SETX: variants seen among roughly 807,000 people sequenced by gnomAD.
SETX encodes the protein helicase senataxin.
Under a neutral mutation model 227.2 loss-of-function variants are expected in SETX, and 90 were observed. The ratio of observed to expected loss-of-function variants is 0.40; its 90% confidence interval spans 0.33 to 0.47. The LOEUF is 0.47. Among genes scored for constraint, SETX ranks in the 20% least tolerant of loss-of-function variants. The probability of loss-of-function intolerance (pLI) is 0.91; values close to 1 mark genes in which losing one functional copy is unlikely to be tolerated. For synonymous variants in SETX, 1,210 were observed against 1,113.2 expected (o/e 1.09, Z -1.73); for missense variants, 3,052 against 3,181.5 (o/e 0.96, Z 0.98).
At chr9:132,277,494 CT>C (rs758738558) in intron 21 of SETX, among the ~76,000 whole-genome samples, 13 of 152,066 alleles carry the variant, frequency 8.5e-5, no homozygotes, top group Non-Finnish European at 1.3e-4. Context: ...AGGACTGAAA[CT>C]TGGCCAGGTG....
chr9:132,312,402 A>G (rs931468183), intron 10 of SETX, among the ~76,000 whole-genome samples: 4 of 152,170 alleles, frequency 2.6e-5, no homozygotes, highest in African/African-American at 9.7e-5. Context: ...ACTATTCCCA[A>G]TCCCAAATTT....
intron 20 of SETX, among the ~76,000 whole-genome samples, 182 bp from the exon 21 acceptor site, chr9:132,278,439 T>C (rs980419339): frequency 6.7e-4 from 5 of 7,426 alleles, no homozygotes; most frequent in Admixed American, 6.3e-3. Context: ...CCATGAATCT[T>C]TTTTTTTTTT....
At chr9:132,271,901 G>C in intron 23 of SETX, 93 bp from the exon 24 acceptor site, 1 of 901,700 alleles carries the variant, frequency 1.1e-6, no homozygotes, top group Non-Finnish European at 1.7e-6. Flanking sequence ...TTTTTTTTTT[G>C]AGACGGAGTC....
At chr9:132,316,898 A>C (rs529184030) in intron 10 of SETX, among the ~76,000 whole-genome samples, 15 of 152,342 alleles carry the variant, frequency 9.8e-5, no homozygotes, top group Middle Eastern at 3.4e-3. Context: ...TGTTCTTTTC[A>C]AAGTGACTTT....
Position 132,326,998 on chromosome 9 carries a change from C to G in SETX, c.4600G>C (p.Asp1534His), listed in dbSNP as rs746807833. 3.1e-6 allele frequency: 5 copies of G among 1,614,106 alleles called. No homozygotes were observed. The highest frequency in any genetic ancestry group is 4.2e-6 in the Non-Finnish European group (5 of 1,180,044). The change falls in exon 10 of 26, where the codon GAT (aspartate) becomes CAT (histidine). Residue 1534 changes from aspartate (D) to histidine (H), a missense_variant. Physicochemically the swap from Asp to His is moderately conservative, Grantham distance 81. Coordinates refer to ENST00000224140, the MANE Select transcript of SETX (RefSeq NM_015046.7). ...TCCAACTGAGGCCGACTTACAGAATCTTCTTCAACCTCAACTGTATCTTTT... is the reference window on the plus strand; with the variant it reads ...TCCAACTGAGGCCGACTTACAGAATGTTCTTCAACCTCAACTGTATCTTTT... ...HGKDTVEVEE[D>H]SVSRPQLESL...
At chr9:132,301,554 T>A (rs1343607132) in intron 11 of SETX, among the ~76,000 whole-genome samples, 1 of 152,220 alleles carries the variant, frequency 6.6e-6, no homozygotes, top group African/African-American at 2.4e-5. Flanking sequence ...ATATTTTTAC[T>A]GTATCTTTTC....
At chr9:132,323,168 A>G (rs940596258) in intron 10 of SETX, among the ~76,000 whole-genome samples, 3 of 152,174 alleles carry the variant, frequency 2.0e-5, no homozygotes, top group African/African-American at 7.2e-5. Flanking sequence ...TGGAGGAGAT[A>G]CAGACCCAAC....
At position 132,327,142 on chromosome 9, in the gene SETX, C is replaced by G; in HGVS notation, c.4456G>C (p.Asp1486His). The stretch of plus-strand genomic sequence containing the variant: ...TCTTCCTCTGCATCACTGCTGGAGT[C>G]AGGCTCTCCTTCTTTCAAAGCTGCC... ...EMAALKEGEP[D>H]SSSDAEEDNL... is the part of the protein sequence containing the mutation. The change falls in exon 10 of 26, where the codon GAC becomes CAC. Residue 1486 changes from aspartate to histidine, a missense_variant. Transcript: ENST00000224140. 1 of 1,614,224 alleles carries G rather than the reference C, an allele frequency of 6.2e-7. No homozygotes were observed. The highest frequency in any genetic ancestry group is 8.5e-7 in the Non-Finnish European group (1 of 1,180,044).
At chr9:132,323,268 G>T (rs548958610) in intron 10 of SETX, among the ~76,000 whole-genome samples, 1 of 152,074 alleles carries the variant, frequency 6.6e-6, no homozygotes, top group Non-Finnish European at 1.5e-5. Flanking sequence ...GATCATGAGC[G>T]ATTTAAACAT....
At chr9:132,280,546 C>A (rs1405586689) in intron 20 of SETX, among the ~76,000 whole-genome samples, 1 of 152,140 alleles carries the variant, frequency 6.6e-6, no homozygotes, top group African/African-American at 2.4e-5. Context: ...CATGTACCTG[C>A]GCTCAAATGT....
At chr9:132,305,365 A>C (rs1252176374) in intron 11 of SETX, among the ~76,000 whole-genome samples, 1 of 151,664 alleles carries the variant, frequency 6.6e-6, no homozygotes, top group Non-Finnish European at 1.5e-5. Flanking sequence ...AAAAAAAAAA[A>C]AAAAAACTAT....
rs547688800 is a variant in SETX at position 132,262,167 on chromosome 9, C to T, written c.*2072G>A. ...GCTGAGTGGTGAACCAACAGGTGAACACAACGTAAGAACAGGCATCAAACT... is the reference window on the plus strand; with the variant it reads ...GCTGAGTGGTGAACCAACAGGTGAATACAACGTAAGAACAGGCATCAAACT... On this transcript the variant is annotated 3_prime_UTR_variant, in exon 26 of 26. Coordinates refer to ENST00000224140, the MANE Select transcript of SETX (RefSeq NM_015046.7). The T allele has an allele frequency of 5.3e-5, 8 of 152,322 alleles. No individual in the cohort carries two copies. The highest frequency in any genetic ancestry group is 1.9e-4 in the African/African-American group (8 of 41,568). 9.4% of individuals were successfully genotyped at this position (152,322 alleles called of 1,614,324 possible). A position where few individuals can be genotyped will look rare whatever the true frequency, so the allele number is the denominator to read the frequency against.
intron 10 of SETX, among the ~76,000 whole-genome samples, chr9:132,320,270 T>C (rs1449502409): frequency 6.6e-6 from 1 of 152,064 alleles, no homozygotes; most frequent in African/African-American, 2.4e-5. Flanking sequence ...AAACCAAATT[T>C]GGTAACCCCA....
At chr9:132,271,681 A>G in intron 24 of SETX, 29 bp downstream of exon 24, 1 of 1,551,760 alleles carries the variant, frequency 6.4e-7, no homozygotes, top group Non-Finnish European at 8.9e-7. Flanking sequence ...GTATACAAGT[A>G]TAAAAGAGCA....
Position 132,288,655 on chromosome 9 carries a change from T to C in SETX, c.6107-4A>G, listed in dbSNP as rs1225785156. ...AAATTTATATCTCCACAGTTTCCTG[T>C]TGATAAGAATCACAGTTAAGGACTA... On this transcript the variant is annotated splice_polypyrimidine_tract_variant and splice_region_variant and intron_variant, in intron 15 of 25. Coordinates refer to ENST00000224140, the MANE Select transcript of SETX (RefSeq NM_015046.7). 3.8e-6 allele frequency: 6 copies of C among 1,594,636 alleles called. No individual in the cohort carries two copies. The Admixed American group carries it at 5.0e-5, about 13-fold the overall frequency.
intron 21 of SETX, 142 bp downstream of exon 21, chr9:132,277,928 G>A (rs1843258473): frequency 2.5e-6 from 2 of 787,678 alleles, no homozygotes; most frequent in African/African-American, 3.5e-5. Flanking sequence ...TCAACATGAT[G>A]GCTATTATAA....
intron 6 of SETX, 104 bp downstream of exon 6, chr9:132,336,192 G>A: frequency 1.1e-6 from 1 of 922,868 alleles, no homozygotes; most frequent in Non-Finnish European, 1.7e-6. Flanking sequence ...GCGGTGAGTG[G>A]AGATGGTGCC....
chr9:132,289,382 C>G (rs1169790021), intron 15 of SETX, among the ~76,000 whole-genome samples: 4 of 152,166 alleles, frequency 2.6e-5, no homozygotes, highest in Non-Finnish European at 4.4e-5. Context: ...ACACACGGCT[C>G]TCCTTTCACC....
chr9:132,354,389 G>C lies in SETX; in HGVS notation c.-115+528C>G, dbSNP rs1050479644. 5.9e-5 allele frequency among the ~76,000 whole-genome samples: 9 copies of C among 151,818 alleles called. No homozygotes were observed. The South Asian group carries it at 8.3e-4, about 14-fold the overall frequency. ...CGCGCGCCTATGGTCCCAGTTACTC[G>C]GGGGGATGAGGCGGAAGGATCGCTG... On this transcript the variant is annotated intron_variant, in intron 1 of 25. Transcript: ENST00000224140.
Sources: gnomAD v4.1 joint callset for allele counts (sites outside exome capture counted in the v4.1 genomes callset) on GRCh38, gnomAD v4.1.1 for gene constraint, MANE v1.5 for transcripts, NCBI Gene and HGNC (gene_info 2026-07-23, HGNC 2026-07-21) for gene names.